The following PITPNM3 variants were observed in gnomAD, a reference collection of about 807,000 sequenced individuals.
PITPNM3 encodes membrane-associated phosphatidylinositol transfer protein 3.
A neutral mutation model predicts 102.0 loss-of-function variants in PITPNM3; 26 were observed. That is an observed-to-expected ratio of 0.25 (90% confidence interval 0.19 to 0.35). PITPNM3 has a LOEUF of 0.35. Among genes scored for constraint, PITPNM3 ranks in the 10% least tolerant of loss-of-function variants. PITPNM3 has a pLI of 1.00. For synonymous variants in PITPNM3, 578 were observed against 558.6 expected (o/e 1.03, Z -0.49); for missense variants, 1,083 against 1,346.1 (o/e 0.80, Z 3.06).
At chr17:6,525,851 C>T (rs946374288) in intron 2 of PITPNM3, among the ~76,000 whole-genome samples, 4 of 152,158 alleles carry the variant, frequency 2.6e-5, no homozygotes, top group African/African-American at 9.7e-5. Context: ...CTCGATTTTC[C>T]CATCACTAAA....
intron 3 of PITPNM3, among the ~76,000 whole-genome samples, chr17:6,515,326 T>C (rs1369932337): frequency 7.9e-6 from 1 of 126,950 alleles, no homozygotes; most frequent in Non-Finnish European, 1.6e-5. Context: ...TGAACCCGGG[T>C]GGCAGAGGTT....
chr17:6,490,226 C>A (rs1486182084), intron 4 of PITPNM3, among the ~76,000 whole-genome samples: 2 of 152,084 alleles, frequency 1.3e-5, no homozygotes, highest in Non-Finnish European at 2.9e-5. Flanking sequence ...CACACACATG[C>A]AGAAAGAAGG....
Position 6,472,519 on chromosome 17 carries a change from C to T in PITPNM3, c.1429+138G>A, listed in dbSNP as rs1905118236. The T allele has an allele frequency of 8.2e-7, 1 of 1,226,402 alleles. No homozygotes were observed. The highest frequency in any genetic ancestry group is 1.1e-6 in the Non-Finnish European group (1 of 871,300). The allele number at this position is 1,226,402 out of a possible 1,614,324, so 76.0% of individuals were successfully genotyped here. Reference sequence around the variant, plus strand: ...TAGCACAGGTGGGCGACTCTGAAGACAGAGGAGTCGGCTAACCTTCTGTTC... The same window carrying T: ...TAGCACAGGTGGGCGACTCTGAAGATAGAGGAGTCGGCTAACCTTCTGTTC... On this transcript the variant is annotated intron_variant, in intron 11 of 19. Transcript: ENST00000262483. This position sits in a 1 kb window ranked among gnomAD's most constrained non-coding sequence, Gnocchi z 4.1.
chr17:6,461,405 T>C lies in PITPNM3; in HGVS notation c.2458A>G (p.Lys820Glu). 1 of 1,614,152 alleles carries C rather than the reference T, an allele frequency of 6.2e-7. No homozygotes were observed. The highest frequency in any genetic ancestry group is 8.5e-7 in the Non-Finnish European group (1 of 1,180,044). The change falls in exon 18 of 20, where the codon AAG (lysine) becomes GAG (glutamate). Residue 820 changes from lysine to glutamate, a missense_variant. Physicochemically the swap from Lys to Glu is moderately conservative, Grantham distance 56. Coordinates refer to ENST00000262483, the MANE Select transcript of PITPNM3 (RefSeq NM_031220.4). ...ATGAGGTTGCGCAGGAAGATGGCCT[T>C]CTGCCGCAGCGGGTCATGCACCAGC... ...DGLVHDPLRQ[K>E]AIFLRNLMQE...
chr17:6,505,600 G>A (rs975735292), intron 3 of PITPNM3, among the ~76,000 whole-genome samples: 1 of 152,364 alleles, frequency 6.6e-6, no homozygotes, highest in East Asian at 1.9e-4. Context: ...ACAGGTCAGG[G>A]AGCGAAGACC....
At chr17:6,494,252 G>C (rs2150595746) in intron 4 of PITPNM3, among the ~76,000 whole-genome samples, 1 of 152,360 alleles carries the variant, frequency 6.6e-6, no homozygotes, top group Non-Finnish European at 1.5e-5. Context: ...CGTCCTGAAG[G>C]AGGGGAGTAA....
rs1380151987 is a variant in PITPNM3 at position 6,459,664 on chromosome 17, G to A, written c.2490+1709C>T. 6.6e-6 allele frequency among the ~76,000 whole-genome samples: 1 copy of A among 152,056 alleles called. No individual in the cohort carries two copies. The highest frequency in any genetic ancestry group is 1.5e-5 in the Non-Finnish European group (1 of 68,016). ...TTTATTCATTCTACCAACATTTATG[G>A]AGTCCCTACCATGTGGCATCATCAC... On this transcript the variant is annotated intron_variant, in intron 18 of 19. Transcript: ENST00000262483. This position sits in a 1 kb window ranked among gnomAD's most constrained non-coding sequence, Gnocchi z 5.0.
chr17:6,556,351 G>A lies in PITPNM3; in HGVS notation c.22+34C>T. The stretch of plus-strand genomic sequence containing the variant: ...CTAGACGCGCGAGTCCCTCCCCCGG[G>A]CCCCGGCCCTGCCCTCCCCGCGCCC... On this transcript the variant is annotated intron_variant, in intron 1 of 19. Transcript: ENST00000262483. This position sits in a 1 kb window ranked among gnomAD's most constrained non-coding sequence, Gnocchi z 5.2. 9.3e-6 allele frequency: 13 copies of A among 1,400,662 alleles called. No homozygotes were observed. Among genetic ancestry groups the A allele is most frequent in the Non-Finnish European group, 1.1e-5 (12 of 1,073,676 alleles). 86.8% of individuals were successfully genotyped at this position (1,400,662 alleles called of 1,614,324 possible).
chr17:6,466,750 C>T (rs1440544885), intron 14 of PITPNM3, among the ~76,000 whole-genome samples: 1 of 151,922 alleles, frequency 6.6e-6, no homozygotes, highest in East Asian at 1.9e-4. Flanking sequence ...AGGCATCTAC[C>T]CGAGAGAAAT....
intron 3 of PITPNM3, among the ~76,000 whole-genome samples, chr17:6,523,275 C>G (rs1410563687): frequency 1.3e-5 from 2 of 152,162 alleles, no homozygotes; most frequent in African/African-American, 2.4e-5. Flanking sequence ...TTGCAAATAT[C>G]ATCTCATTTA....
chr17:6,464,851 T>TGG, intron 14 of PITPNM3, 80 bp from the exon 15 acceptor site: 2 of 1,312,358 alleles, frequency 1.5e-6, no homozygotes. Flanking sequence ...TTCCTCAGAC[T>TGG]GGCTGGAGGC....
intron 3 of PITPNM3, among the ~76,000 whole-genome samples, chr17:6,524,182 G>A (rs747955595): frequency 3.3e-4 from 51 of 152,336 alleles, no homozygotes; most frequent in Non-Finnish European, 5.0e-4. Context: ...AGCCGTTCCC[G>A]TGGGCTGGGC....
intron 4 of PITPNM3, among the ~76,000 whole-genome samples, chr17:6,490,216 C>T (rs1478505640): frequency 6.6e-6 from 1 of 152,084 alleles, no homozygotes; most frequent in Non-Finnish European, 1.5e-5. Context: ...GCCCGCATGA[C>T]ACACACATGC....
chr17:6,534,856 G>A (rs1597409556), intron 2 of PITPNM3, among the ~76,000 whole-genome samples: 4 of 152,166 alleles, frequency 2.6e-5, no homozygotes, highest in Admixed American at 2.6e-4. Context: ...AGCTCTCAGG[G>A]ACAGAAGGCT....
chr17:6,506,187 G>A (rs1028899739), intron 3 of PITPNM3, among the ~76,000 whole-genome samples: 18 of 151,942 alleles, frequency 1.2e-4, no homozygotes, highest in African/African-American at 4.4e-4. Context: ...AAAACCAGCT[G>A]CATAATGAGG....
chr17:6,551,812 G>A (rs1910321567), intron 1 of PITPNM3, among the ~76,000 whole-genome samples: 1 of 151,930 alleles, frequency 6.6e-6, no homozygotes, highest in South Asian at 2.1e-4. Flanking sequence ...CCAGCCACTA[G>A]TCACTGCCCC....
At chr17:6,552,027 G>A (rs528696134) in intron 1 of PITPNM3, among the ~76,000 whole-genome samples, 3 of 152,164 alleles carry the variant, frequency 2.0e-5, no homozygotes, top group African/African-American at 7.2e-5. Flanking sequence ...CATTGTTAAC[G>A]AGGACTTGGA....
Position 6,544,654 on chromosome 17 carries a change from T to TCTCTCTCTCTCACA in PITPNM3, c.23-6573_23-6572insTGTGAGAGAGAGAG, listed in dbSNP as rs376230474. 4.4e-3 allele frequency among the ~76,000 whole-genome samples: 570 copies of TCTCTCTCTCTCACA among 130,246 alleles called. 3 individuals carry two copies. Among genetic ancestry groups the TCTCTCTCTCTCACA allele is most frequent in the African/African-American group, 8.5e-3 (275 of 32,514 alleles). 85.4% of individuals were successfully genotyped at this position (130,246 alleles called of 152,430 possible). A position where few individuals can be genotyped will look rare whatever the true frequency, so the allele number is the denominator to read the frequency against. On this transcript the variant is annotated intron_variant, in intron 1 of 19. Transcript: ENST00000262483. ...CTCTCTCTCTCTCTCTCTCTCTCTCTCACACACACACACACACACACACAA... is the reference window on the plus strand; with the variant it reads ...CTCTCTCTCTCTCTCTCTCTCTCTCTCTCTCTCTCTCACACACACACACACACACACACACACAA...
intron 3 of PITPNM3, among the ~76,000 whole-genome samples, chr17:6,511,597 C>T (rs1410140996): frequency 1.3e-5 from 2 of 152,150 alleles, no homozygotes; most frequent in African/African-American, 4.8e-5. Context: ...AGTAGAAAAT[C>T]AAGTGTGTGG....
Sources: gnomAD v4.1 joint callset for allele counts (sites outside exome capture counted in the v4.1 genomes callset) on GRCh38, gnomAD v4.1.1 for gene constraint, Gnocchi (gnomAD v3.1) non-coding constraint, MANE v1.5 for transcripts, NCBI Gene and HGNC (gene_info 2026-07-23, HGNC 2026-07-21) for gene names.